The following CSNK1G1 variants were observed in gnomAD, a reference collection of about 807,000 sequenced individuals.
The protein encoded by CSNK1G1 is casein kinase 1 gamma 1.
In CSNK1G1, 22 loss-of-function variants were observed where a neutral mutation model predicts 59.6. That is an observed-to-expected ratio of 0.37 (90% CI 0.26 to 0.53). CSNK1G1 has a LOEUF of 0.53. Among genes scored for constraint, CSNK1G1 ranks in the 20% least tolerant of loss-of-function variants. The pLI is 0.89. For missense variants in CSNK1G1, 384 were observed against 519.5 expected (o/e 0.74, Z 2.54); for synonymous variants, 179 against 177.1 (o/e 1.01, Z -0.08).
At chr15:64,260,308 A>G (rs997288264) in intron 2 of CSNK1G1, among the ~76,000 whole-genome samples, 1 of 152,224 alleles carries the variant, frequency 6.6e-6, no homozygotes, top group East Asian at 1.9e-4. Context: ...TACGTACAGC[A>G]TAACTATTTT....
At chr15:64,196,845 C>G (rs1430383120) in intron 10 of CSNK1G1, among the ~76,000 whole-genome samples, 1 of 151,922 alleles carries the variant, frequency 6.6e-6, no homozygotes, top group East Asian at 1.9e-4. Flanking sequence ...CAGCCCTACT[C>G]TAGCTGCCAA....
chr15:64,177,382 A>T (rs1180325417), intron 11 of CSNK1G1, among the ~76,000 whole-genome samples: 1 of 152,214 alleles, frequency 6.6e-6, no homozygotes, highest in East Asian at 1.9e-4. Context: ...CCAGGTGGAC[A>T]CAGGGCTACC....
intron 11 of CSNK1G1, 79 bp downstream of exon 11, chr15:64,180,269 C>T (rs945440385): frequency 1.3e-5 from 13 of 1,033,206 alleles, no homozygotes; most frequent in Middle Eastern, 4.1e-4. Context: ...CAGTCTGAGA[C>T]GAGCAGCACA....
rs1421508263 is a variant in CSNK1G1, at chr15:64,243,285, A to T, written c.292+8227T>A. On this transcript the variant is annotated intron_variant, in intron 4 of 11. Transcript: ENST00000303052. ...AGGGAGGCAGAGGTTGCAGTGAGCCAAGATTGCGCCACTGCACTCTAGCTT... is the reference window on the plus strand; with the variant it reads ...AGGGAGGCAGAGGTTGCAGTGAGCCTAGATTGCGCCACTGCACTCTAGCTT... 2.0e-5 allele frequency among the ~76,000 whole-genome samples: 3 copies of T among 151,944 alleles called. No individual in the cohort carries two copies. The East Asian group carries it at 5.8e-4, about 29-fold the overall frequency.
intron 1 of CSNK1G1, among the ~76,000 whole-genome samples, chr15:64,338,467 A>C (rs1897503680): frequency 6.6e-6 from 1 of 152,104 alleles, no homozygotes; most frequent in African/African-American, 2.4e-5. Flanking sequence ...TGGGAGGCCA[A>C]GACAGGCAGA....
At chr15:64,278,402 GTGTGTGTGTGTGTGTGTA>G (rs1300064857) in intron 2 of CSNK1G1, among the ~76,000 whole-genome samples, 1 of 129,636 alleles carries the variant, frequency 7.7e-6, no homozygotes, top group Non-Finnish European at 1.6e-5. Flanking sequence ...GTGTGTGTGT[GTGTGTGTGTGTGTGTGTA>G]TATATATATA....
intron 10 of CSNK1G1, among the ~76,000 whole-genome samples, chr15:64,189,056 G>A (rs1471763068): frequency 3.3e-5 from 5 of 152,146 alleles, no homozygotes; most frequent in Non-Finnish European, 5.9e-5. Flanking sequence ...AACCCAGGAG[G>A]TGGAGGTTGC....
intron 2 of CSNK1G1, among the ~76,000 whole-genome samples, chr15:64,270,691 C>T (rs533586632): frequency 6.7e-6 from 1 of 149,572 alleles, no homozygotes; most frequent in Non-Finnish European, 1.5e-5. Context: ...ACCCAGGAGG[C>T]GGAGCTTGCA....
Position 64,214,150 on chromosome 15 carries a change from G to C in CSNK1G1, c.445-26C>G. On this transcript the variant is annotated intron_variant, in intron 5 of 11. Coordinates refer to ENST00000303052, the MANE Select transcript of CSNK1G1 (RefSeq NM_022048.5). This position sits in a 1 kb window ranked among gnomAD's most constrained non-coding sequence, Gnocchi z 4.3. ...CTGAAAGAGAAACAAATGATAGAAA[G>C]ACTGTAAAGAAGTATATCAGGAAAA... 1.5e-5 allele frequency: 23 copies of C among 1,497,176 alleles called. No homozygotes were observed. The highest frequency in any genetic ancestry group is 2.1e-5 in the Non-Finnish European group (23 of 1,073,792). 92.7% of individuals were successfully genotyped at this position (1,497,176 alleles called of 1,614,324 possible).
At chr15:64,353,722 T>C (rs932514144) in intron 1 of CSNK1G1, among the ~76,000 whole-genome samples, 4 of 151,866 alleles carry the variant, frequency 2.6e-5, no homozygotes, top group African/African-American at 9.7e-5. Flanking sequence ...TCTCAACACT[T>C]TGGGAGGGCG....
intron 3 of CSNK1G1, among the ~76,000 whole-genome samples, chr15:64,255,998 T>C (rs1228151400): frequency 1.3e-5 from 2 of 152,238 alleles, no homozygotes; most frequent in African/African-American, 4.8e-5. Context: ...CTAATTATAC[T>C]GTAGAGTCCC....
intron 10 of CSNK1G1, among the ~76,000 whole-genome samples, chr15:64,187,920 C>T (rs529403061): frequency 5.3e-5 from 8 of 152,146 alleles, no homozygotes; most frequent in Non-Finnish European, 1.2e-4. Flanking sequence ...TCCTGGGTAC[C>T]CACTCAGAAA....
chr15:64,170,409 T>G lies in CSNK1G1; in HGVS notation c.*1522A>C, dbSNP rs1310807353. 6.6e-6 allele frequency: 1 copy of G among 152,668 alleles called. No individual in the cohort carries two copies. The highest frequency in any genetic ancestry group is 1.9e-4 in the East Asian group (1 of 5,188). 9.5% of individuals were successfully genotyped at this position (152,668 alleles called of 1,614,324 possible). On this transcript the variant is annotated 3_prime_UTR_variant, in exon 12 of 12. Transcript: ENST00000303052. Reference sequence around the variant, plus strand: ...TCCAGTCTCCTTTTCCCTGGAATGTTCCAGCACCAAACAATCTTTCCCTCC... The same window carrying G: ...TCCAGTCTCCTTTTCCCTGGAATGTGCCAGCACCAAACAATCTTTCCCTCC...
At chr15:64,193,319 G>A (rs1359750888) in intron 10 of CSNK1G1, among the ~76,000 whole-genome samples, 16 of 151,706 alleles carry the variant, frequency 1.1e-4, no homozygotes, top group African/African-American at 2.7e-4. Context: ...GTGAAACCCC[G>A]TCTCTACTAA....
chr15:64,351,793 C>T (rs988243778), intron 1 of CSNK1G1, among the ~76,000 whole-genome samples: 3 of 152,040 alleles, frequency 2.0e-5, no homozygotes, highest in Non-Finnish European at 4.4e-5. Context: ...GCAGGAGGGG[C>T]GCTTGAACCT....
intron 1 of CSNK1G1, among the ~76,000 whole-genome samples, chr15:64,341,639 A>AT (rs1014183936): frequency 1.2e-4 from 18 of 151,462 alleles, no homozygotes; most frequent in Non-Finnish European, 1.9e-4. Flanking sequence ...CACCCAGCTA[A>AT]TTTTTTTTTA....
intron 1 of CSNK1G1, among the ~76,000 whole-genome samples, chr15:64,347,264 TATC>T (rs1462798379): frequency 1.3e-5 from 2 of 152,202 alleles, no homozygotes; most frequent in East Asian, 3.8e-4. Context: ...TAAATAGTCT[TATC>T]ATAAGATCCA....
intron 1 of CSNK1G1, among the ~76,000 whole-genome samples, chr15:64,311,677 G>GAAAAAAA (rs11371950): frequency 2.8e-5 from 3 of 108,144 alleles, no homozygotes; most frequent in African/African-American, 3.5e-5. Flanking sequence ...TAAAAAAAGT[G>GAAAAAAA]AAAAAAAAAA....
chr15:64,308,754 G>A (rs751318451), intron 1 of CSNK1G1, among the ~76,000 whole-genome samples: 7 of 151,990 alleles, frequency 4.6e-5, no homozygotes, highest in Admixed American at 6.6e-5. Flanking sequence ...AAAATTAGCC[G>A]GTCGTGGTGA....
Sources: gnomAD v4.1 joint callset for allele counts (sites outside exome capture counted in the v4.1 genomes callset) on GRCh38, gnomAD v4.1.1 for gene constraint, Gnocchi (gnomAD v3.1) non-coding constraint, MANE v1.5 for transcripts, NCBI Gene and HGNC (gene_info 2026-07-23, HGNC 2026-07-21) for gene names.